Variants in AAMDC observed in about 807,000 individuals in gnomAD.
AAMDC encodes adipogenesis associated Mth938 domain containing, also known as mth938 domain-containing protein.
In AAMDC, 16 loss-of-function variants were observed where a neutral mutation model predicts 15.5. The observed-to-expected ratio is 1.03, with a 90% CI of 0.70 to 1.57. The LOEUF (loss-of-function observed/expected upper bound fraction) is 1.57, where lower values mean the gene tolerates loss of function less well. AAMDC is among the 40% of genes most tolerant of loss of function. The pLI is 0.00. For synonymous variants in AAMDC, 51 were observed against 51.6 expected (o/e 0.99, Z 0.05); for missense variants, 141 against 144.9 (o/e 0.97, Z 0.14).
At chr11:77,881,843 A>T (rs1350013937) in intron 5 of AAMDC, among the ~76,000 whole-genome samples, 2 of 152,108 alleles carry the variant, frequency 1.3e-5, no homozygotes, top group African/African-American at 2.4e-5. Context: ...CAATTAAAAC[A>T]GGGATTTGTA....
chr11:77,905,080 T>C (rs1418868803), downstream of AAMDC, among the ~76,000 whole-genome samples: 3 of 152,176 alleles, frequency 2.0e-5, no homozygotes, highest in Admixed American at 6.5e-5. Context: ...TGTATAAATC[T>C]GAGTGTACTA....
chr11:77,850,535 A>G (rs1950327082), intron 2 of AAMDC: 1 of 152,200 alleles, frequency 6.6e-6, no homozygotes, highest in Admixed American at 6.5e-5. Flanking sequence ...GAAAGGGGTC[A>G]AGAATGAAGG....
intron 2 of AAMDC, among the ~76,000 whole-genome samples, chr11:77,844,954 G>A (rs546123449): frequency 2.6e-5 from 4 of 152,108 alleles, no homozygotes; most frequent in East Asian, 1.9e-4. Flanking sequence ...TGGCTTCATT[G>A]GTTTCTAATG....
At chr11:77,822,414 C>CAAAAAAAAAA (rs66463325) in intron 1 of AAMDC, among the ~76,000 whole-genome samples, 1 of 74,782 alleles carries the variant, frequency 1.3e-5, no homozygotes. Context: ...GACTCCACCT[C>CAAAAAAAAAA]AAAAAAAAAA....
chr11:77,884,058 C>A, intron 5 of AAMDC: 1 of 1,150,792 alleles, frequency 8.7e-7, no homozygotes, highest in Non-Finnish European at 1.2e-6. Flanking sequence ...AAACATGACA[C>A]CAACTTTACT....
At chr11:77,830,505 A>G (rs1042960224) in intron 1 of AAMDC, among the ~76,000 whole-genome samples, 2 of 121,002 alleles carry the variant, frequency 1.7e-5, no homozygotes, top group East Asian at 5.9e-4. Context: ...ACTTCTTGCT[A>G]TCTCTTTTGC....
At chr11:77,878,750 G>C (rs752895720) in intron 5 of AAMDC, 7 of 695,198 alleles carry the variant, frequency 1.0e-5, no homozygotes, top group Non-Finnish European at 1.8e-5. Context: ...TTGTGGACAG[G>C]AGAAGGGTAA....
chr11:77,899,080 A>G (rs955752264), intron 5 of AAMDC, among the ~76,000 whole-genome samples: 8 of 152,156 alleles, frequency 5.3e-5, no homozygotes, highest in African/African-American at 1.7e-4. Context: ...AACCCTTACA[A>G]TAACCCTGTG....
chr11:77,873,885 T>G (rs1951524202), downstream of AAMDC, among the ~76,000 whole-genome samples: 1 of 152,172 alleles, frequency 6.6e-6, no homozygotes. Context: ...CTAAATAAAA[T>G]CGCTCCACCC....
chr11:77,879,120 G>A, intron 5 of AAMDC: 2 of 1,613,922 alleles, frequency 1.2e-6, no homozygotes, highest in Non-Finnish European at 1.7e-6. Context: ...CTTCCACCTG[G>A]CATGCCTCTG....
intron 1 of AAMDC, among the ~76,000 whole-genome samples, chr11:77,828,441 A>T (rs1198356418): frequency 6.6e-6 from 1 of 152,048 alleles, no homozygotes; most frequent in East Asian, 1.9e-4. Context: ...GCCGAGGCAG[A>T]TGGATCACAA....
intron 5 of AAMDC, among the ~76,000 whole-genome samples, chr11:77,899,804 A>C (rs1052665928): frequency 6.6e-6 from 1 of 152,176 alleles, no homozygotes; most frequent in Non-Finnish European, 1.5e-5. Flanking sequence ...GCAGAACAGC[A>C]AAGTATGGTA....
At chr11:77,822,569 T>C (rs766252430) in intron 1 of AAMDC, among the ~76,000 whole-genome samples, 1 of 152,156 alleles carries the variant, frequency 6.6e-6, no homozygotes, top group Non-Finnish European at 1.5e-5. Flanking sequence ...ATTTTTTTCT[T>C]CATTTCCAGG....
At chr11:77,902,932 A>G (rs1472664897), downstream of AAMDC, among the ~76,000 whole-genome samples, 4 of 152,246 alleles carry the variant, frequency 2.6e-5, no homozygotes, top group African/African-American at 4.8e-5. Flanking sequence ...CTACATTTTC[A>G]GATGAAAGAT....
downstream of AAMDC, chr11:77,901,529 A>G (rs1447019221): frequency 6.2e-7 from 1 of 1,608,918 alleles, no homozygotes; most frequent in Non-Finnish European, 8.5e-7. Context: ...CATGAATTCC[A>G]TTTTGTAGGT....
chr11:77,900,800 A>C, downstream of AAMDC: 1 of 594,844 alleles, frequency 1.7e-6, no homozygotes, highest in Non-Finnish European at 3.0e-6. Context: ...CAGTTATCTG[A>C]AAGTCTTACA....
chr11:77,887,099 A>G (rs1303055809), intron 5 of AAMDC, among the ~76,000 whole-genome samples: 1 of 152,106 alleles, frequency 6.6e-6, no homozygotes, highest in Non-Finnish European at 1.5e-5. Flanking sequence ...AACTAAAATC[A>G]GAGCAGAACT....
intron 5 of AAMDC, among the ~76,000 whole-genome samples, chr11:77,893,710 T>A (rs1377096844): frequency 6.6e-6 from 1 of 151,954 alleles, no homozygotes; most frequent in East Asian, 1.9e-4. Flanking sequence ...CTGGCCAACA[T>A]GATGAAACCC....
At chr11:77,834,102 C>T (rs899687526) in intron 1 of AAMDC, among the ~76,000 whole-genome samples, 4 of 152,166 alleles carry the variant, frequency 2.6e-5, no homozygotes, top group African/African-American at 9.7e-5. Flanking sequence ...TGCTTTAAAT[C>T]TTATAATCCT....
Sources: gnomAD v4.1 joint callset for allele counts (sites outside exome capture counted in the v4.1 genomes callset) on GRCh38, gnomAD v4.1.1 for gene constraint, MANE v1.5 for transcripts, NCBI Gene and HGNC (gene_info 2026-07-23, HGNC 2026-07-21) for gene names.